The following SMG6 variants were observed in gnomAD, a reference collection of about 807,000 sequenced individuals.
SMG6 encodes telomerase-binding protein EST1A.
Under a neutral mutation model 142.2 loss-of-function variants are expected in SMG6, and 66 were observed. That is an observed-to-expected ratio of 0.46 (90% CI 0.38 to 0.57). The LOEUF (loss-of-function observed/expected upper bound fraction) is 0.57, where lower values mean the gene tolerates loss of function less well. Ranked by LOEUF, SMG6 falls within the 20% of genes least tolerant of loss-of-function variation. The pLI is 0.00. For missense variants in SMG6, 1,793 were observed against 1,832.0 expected, an observed-to-expected ratio of 0.98 and a Z score of 0.39; for synonymous variants, 779 against 702.4, an observed-to-expected ratio of 1.11 and a Z score of -1.72.
chr17:2,094,735 A>G (rs1330395624), intron 13 of SMG6: 1 of 152,128 alleles, frequency 6.6e-6, no homozygotes, highest in Non-Finnish European at 1.5e-5. Context: ...CATGTCTCCC[A>G]ATATGAAAGT....
At chr17:2,167,025 G>A (rs1211661590) in intron 13 of SMG6, among the ~76,000 whole-genome samples, 2 of 151,766 alleles carry the variant, frequency 1.3e-5, no homozygotes, top group African/African-American at 4.8e-5. Context: ...AGCTACGCGG[G>A]GGGCTGAGGC....
intron 8 of SMG6, among the ~76,000 whole-genome samples, chr17:2,251,541 T>G (rs769904771): frequency 3.9e-5 from 6 of 152,212 alleles, no homozygotes; most frequent in Non-Finnish European, 8.8e-5. Flanking sequence ...CATGTGAATT[T>G]AAGTGTAAAA....
At chr17:2,204,954 C>T (rs559187961) in intron 10 of SMG6, among the ~76,000 whole-genome samples, 1 of 151,652 alleles carries the variant, frequency 6.6e-6, no homozygotes, top group Admixed American at 6.6e-5. Context: ...CAGAGTAAAA[C>T]TCTGCCTTAA....
intron 13 of SMG6, among the ~76,000 whole-genome samples, chr17:2,097,999 G>A (rs2068902176): frequency 6.6e-6 from 1 of 151,952 alleles, no homozygotes; most frequent in African/African-American, 2.4e-5. Context: ...CCTTTTCTTG[G>A]GGGGCGGGGG....
chr17:2,264,254 T>C (rs1419009906), intron 8 of SMG6, among the ~76,000 whole-genome samples: 1 of 152,214 alleles, frequency 6.6e-6, no homozygotes, highest in African/African-American at 2.4e-5. Flanking sequence ...CAGCAGCTGA[T>C]TGCTCCCTTG....
chr17:2,203,911 G>A (rs1207868540), intron 10 of SMG6, among the ~76,000 whole-genome samples: 6 of 152,164 alleles, frequency 3.9e-5, no homozygotes. Flanking sequence ...GCAGGGAAGT[G>A]TTCTGCTTCC....
intron 10 of SMG6, chr17:2,229,346 T>G (rs1443903142): frequency 2.0e-5 from 3 of 152,220 alleles, no homozygotes; most frequent in Admixed American, 2.0e-4. Flanking sequence ...CCTCTTCCTA[T>G]CTCAGATCAG....
intron 13 of SMG6, among the ~76,000 whole-genome samples, chr17:2,152,529 T>C (rs935294189): frequency 2.6e-5 from 4 of 152,110 alleles, no homozygotes; most frequent in South Asian, 4.1e-4. Flanking sequence ...GATTTAACAA[T>C]AGGCAAAAGA....
Position 2,303,780 on chromosome 17 carries a change from C to A in SMG6, c.-60G>T. 7.1e-7 allele frequency: 1 copy of A among 1,401,972 alleles called. No homozygotes were observed. The highest frequency in any genetic ancestry group is 1.3e-5 in the South Asian group (1 of 76,582). The allele number at this position is 1,401,972 out of a possible 1,614,324, so 86.8% of individuals were successfully genotyped here. A position where few individuals can be genotyped will look rare whatever the true frequency, so the allele number is the denominator to read the frequency against. On this transcript the variant is annotated 5_prime_UTR_variant, in exon 1 of 19. Coordinates refer to ENST00000263073, the MANE Select transcript of SMG6 (RefSeq NM_017575.5). ...CCACCGCCGCGCGCAGCCAGGAAAC[C>A]ACCACAGACGGGCGGCGCGCGCGCT...
chr17:2,211,178 T>C (rs1310699667), intron 10 of SMG6, among the ~76,000 whole-genome samples: 1 of 146,636 alleles, frequency 6.8e-6, no homozygotes, highest in African/African-American at 2.5e-5. Flanking sequence ...AGTTCAAAGG[T>C]GAAAGAAAAA....
chr17:2,063,665 C>T (rs1468330859), intron 18 of SMG6, among the ~76,000 whole-genome samples: 1 of 152,242 alleles, frequency 6.6e-6, no homozygotes, highest in African/African-American at 2.4e-5. Flanking sequence ...CTAGGAAGCT[C>T]AGGCTTGCCA....
At chr17:2,187,613 C>T (rs577275823) in intron 11 of SMG6, among the ~76,000 whole-genome samples, 2 of 152,154 alleles carry the variant, frequency 1.3e-5, no homozygotes, top group South Asian at 2.1e-4. Context: ...GAAAGACGAA[C>T]GTAAGCCCAT....
intron 13 of SMG6, among the ~76,000 whole-genome samples, chr17:2,132,559 G>A (rs2070158074): frequency 6.6e-6 from 1 of 152,122 alleles, no homozygotes; most frequent in Non-Finnish European, 1.5e-5. Flanking sequence ...ATTGTATTTG[G>A]AAATCAAATT....
chr17:2,186,411 A>G (rs1446152599), intron 12 of SMG6, among the ~76,000 whole-genome samples: 1 of 152,200 alleles, frequency 6.6e-6, no homozygotes. Context: ...CGAGAGCAAG[A>G]ACAAATAACA....
At chr17:2,124,505 T>C (rs2069808928) in intron 13 of SMG6, among the ~76,000 whole-genome samples, 1 of 152,016 alleles carries the variant, frequency 6.6e-6, no homozygotes, top group South Asian at 2.1e-4. Flanking sequence ...CGTAACAGAG[T>C]GTTTATATAA....
Position 2,298,985 on chromosome 17 carries a change from T to C in SMG6, c.1768A>G (p.Asn590Asp). The C allele has an allele frequency of 1.9e-6, 3 of 1,614,184 alleles. No homozygotes were observed. Among genetic ancestry groups the C allele is most frequent in the Non-Finnish European group, 2.5e-6 (3 of 1,180,044 alleles). The change falls in exon 2 of 19, where the codon AAC becomes GAC. Residue 590 changes from asparagine to aspartate, a missense_variant. Transcript: ENST00000263073. ...ELHRLLRVADNQELQLSNLLS... is the reference protein window; with the variant it reads ...ELHRLLRVADDQELQLSNLLS... ...AGGTTGCTGAGCTGCAGTTCCTGGTTGTCAGCCACCCGGAGAAGCCTGTGC... is the reference window on the plus strand; with the variant it reads ...AGGTTGCTGAGCTGCAGTTCCTGGTCGTCAGCCACCCGGAGAAGCCTGTGC...
intron 13 of SMG6, among the ~76,000 whole-genome samples, chr17:2,130,087 G>A (rs1231294809): frequency 1.9e-4 from 28 of 150,952 alleles, no homozygotes; most frequent in African/African-American, 4.9e-4. Context: ...GTGAAATCCC[G>A]TCTCTACTAA....
rs1597308991 is a variant in SMG6, at chr17:2,061,242, C to T, written c.*250G>A. 2.3e-6 allele frequency: 1 copy of T among 436,748 alleles called. No homozygotes were observed. Among genetic ancestry groups the T allele is most frequent in the Non-Finnish European group, 4.2e-6 (1 of 236,116 alleles). The allele number at this position is 436,748 out of a possible 1,614,324, so 27.1% of individuals were successfully genotyped here. A position where few individuals can be genotyped will look rare whatever the true frequency, so the allele number is the denominator to read the frequency against. On this transcript the variant is annotated 3_prime_UTR_variant, in exon 19 of 19. Coordinates refer to ENST00000263073, the MANE Select transcript of SMG6 (RefSeq NM_017575.5). ...TATCTGGCTTGCCCAGCTGCTGTTG[C>T]TGTAGCCAGCCACCTCCCTGCTAAA... is the stretch of plus-strand genomic sequence containing the variant.
At chr17:2,108,051 A>G (rs1251573805) in intron 13 of SMG6, among the ~76,000 whole-genome samples, 1 of 152,114 alleles carries the variant, frequency 6.6e-6, no homozygotes, top group Admixed American at 6.6e-5. Context: ...AGCCTACAAG[A>G]TAAATCTAAC....
Sources: allele counts gnomAD v4.1 joint callset (sites outside exome capture counted in the v4.1 genomes callset), GRCh38; gene constraint gnomAD v4.1.1; transcripts MANE v1.5; gene names NCBI Gene and HGNC (gene_info 2026-07-23, HGNC 2026-07-21).